Variants in C10orf90 observed in about 807,000 individuals in gnomAD.
C10orf90 encodes the protein chromosome 10 open reading frame 90.
C10orf90 carries 56 observed loss-of-function variants against 62.5 expected under a neutral mutation model. That is an observed-to-expected ratio of 0.90 (90% CI 0.72 to 1.12). C10orf90 has a LOEUF of 1.12. C10orf90 is among the 50% of genes most tolerant of loss of function. The pLI, the probability that C10orf90 is intolerant of heterozygous loss-of-function variation, is 0.00. For synonymous variants in C10orf90, 386 were observed against 340.4 expected (o/e 1.13, Z -1.47); for missense variants, 970 against 880.4 (o/e 1.10, Z -1.29).
chr10:126,628,884 T>C (rs1415165261), intron 2 of C10orf90, among the ~76,000 whole-genome samples: 1 of 152,200 alleles, frequency 6.6e-6, no homozygotes, highest in East Asian at 1.9e-4. Flanking sequence ...GGGGCTGGTC[T>C]GGGACAGCTC....
At chr10:126,512,612 C>T (rs1049458808) in intron 3 of C10orf90, among the ~76,000 whole-genome samples, 2 of 152,132 alleles carry the variant, frequency 1.3e-5, no homozygotes, top group African/African-American at 4.8e-5. Context: ...TCAGCAGAAT[C>T]GCCCCCATGC....
Position 126,504,666 on chromosome 10 carries a change from C to T in C10orf90, c.825G>A (p.Pro275=), listed in dbSNP as rs571656172. Residue 275 remains proline, a synonymous_variant, in exon 4 of 10, where the codon CCG becomes CCA. Coordinates refer to ENST00000488181, the MANE Select transcript of C10orf90 (RefSeq NM_001350921.2). The surrounding 1 kb of genome is among the most constrained non-coding windows in gnomAD (Gnocchi z 4.1). ...RAEDTLFQAP[P]ALANGAHPGR... ...CTGGATGGGCGCCATTGGCCAGAGCCGGGGGCGCCTGGAACAGTGTGTCCT... is the reference window on the plus strand; with the variant it reads ...CTGGATGGGCGCCATTGGCCAGAGCTGGGGGCGCCTGGAACAGTGTGTCCT... The T allele has an allele frequency of 5.0e-6, 8 of 1,614,182 alleles. No homozygotes were observed. Among genetic ancestry groups the T allele is most frequent in the African/African-American group, 1.3e-5 (1 of 75,056 alleles).
chr10:126,549,957 C>CTTTTTTT (rs1168153149), intron 2 of C10orf90, among the ~76,000 whole-genome samples: 1 of 117,422 alleles, frequency 8.5e-6, no homozygotes, highest in Non-Finnish European at 1.8e-5. Flanking sequence ...GTAAAGCTTT[C>CTTTTTTT]TTTTTTTTTT....
chr10:126,586,609 A>G (rs1844875915), intron 2 of C10orf90, among the ~76,000 whole-genome samples: 5 of 152,234 alleles, frequency 3.3e-5, no homozygotes. Flanking sequence ...GCTGCTCAGA[A>G]TATGCCTACG....
chr10:126,440,235 C>T (rs571823328), intron 7 of C10orf90, among the ~76,000 whole-genome samples: 4 of 152,260 alleles, frequency 2.6e-5, no homozygotes, highest in South Asian at 4.1e-4. Flanking sequence ...CTTTGGATTG[C>T]GTGGGAGCTG....
rs1432814227 is a variant in C10orf90 at position 126,565,020 on chromosome 10, A to T, written c.314-51081T>A. 9.5e-4 allele frequency among the ~76,000 whole-genome samples: 14 copies of T among 14,792 alleles called. 2 individuals are homozygous for T. The highest frequency in any genetic ancestry group is 3.0e-3 in the African/African-American group (14 of 4,708). 9.7% of individuals were successfully genotyped at this position (14,792 alleles called of 152,430 possible). ...ATTATATATAATATATATAATATAT[A>T]TTATATATTATATAAAATATATAAT... On this transcript the variant is annotated intron_variant, in intron 2 of 9. Transcript: ENST00000488181.
intron 2 of C10orf90, among the ~76,000 whole-genome samples, chr10:126,523,890 A>G (rs1390442556): frequency 3.9e-5 from 6 of 152,156 alleles, no homozygotes; most frequent in African/African-American, 1.4e-4. Context: ...GTGTTGTAGC[A>G]TGTGTCAGAA....
At chr10:126,526,023 AACACACACACACACACACAC>A (rs3040780) in intron 2 of C10orf90, among the ~76,000 whole-genome samples, 1 of 138,960 alleles carries the variant, frequency 7.2e-6, no homozygotes. Flanking sequence ...CACCTGCCAC[AACACACACACACACACACAC>A]ACACACACAC....
chr10:126,667,662 C>T (rs991366473), intron 1 of C10orf90, among the ~76,000 whole-genome samples: 1 of 152,080 alleles, frequency 6.6e-6, no homozygotes, highest in Non-Finnish European at 1.5e-5. Context: ...TGAGGTTTCC[C>T]TTCCCAAGCT....
rs1289294210 is a variant in C10orf90 at position 126,670,470 on chromosome 10, G to C, written c.11C>G (p.Ser4Cys). The change falls in exon 1 of 10, where the codon TCT (serine) becomes TGT (cysteine). Residue 4 changes from serine (S) to cysteine (C), a missense_variant. Transcript: ENST00000488181. MQH[S>C]GIPTKTHPQG... ...CGGATGAGTTTTTGTAGGAATTCCA[G>C]AGTGCTGCATGAGACTCAGTATCTT... The C allele has an allele frequency of 2.2e-6, 1 of 456,642 alleles. No homozygotes were observed. Among genetic ancestry groups the C allele is most frequent in the Non-Finnish European group, 4.4e-6 (1 of 226,964 alleles). 28.3% of individuals were successfully genotyped at this position (456,642 alleles called of 1,614,324 possible). A position where few individuals can be genotyped will look rare whatever the true frequency, so the allele number is the denominator to read the frequency against.
chr10:126,487,685 A>C (rs1373519288), intron 4 of C10orf90, among the ~76,000 whole-genome samples: 2 of 152,164 alleles, frequency 1.3e-5, no homozygotes, highest in African/African-American at 4.8e-5. Flanking sequence ...TTGATGCACC[A>C]CCAAAAGGAA....
chr10:126,448,212 A>C (rs532930638), intron 7 of C10orf90, among the ~76,000 whole-genome samples: 134 of 152,034 alleles, frequency 8.8e-4, no homozygotes, highest in African/African-American at 2.8e-3. Context: ...ATGAAACTAC[A>C]GTAACAGGAG....
At chr10:126,437,727 T>G (rs764539766) in intron 7 of C10orf90, among the ~76,000 whole-genome samples, 1 of 152,106 alleles carries the variant, frequency 6.6e-6, no homozygotes, top group Non-Finnish European at 1.5e-5. Flanking sequence ...TAACTGGGCA[T>G]CCTATATTTT....
chr10:126,635,502 C>T (rs893919396), intron 2 of C10orf90, among the ~76,000 whole-genome samples: 1 of 152,260 alleles, frequency 6.6e-6, no homozygotes, highest in South Asian at 2.1e-4. Flanking sequence ...GAGTGCAGAT[C>T]AATAAAGAAG....
chr10:126,589,054 A>C (rs1373012593), intron 2 of C10orf90, among the ~76,000 whole-genome samples: 1 of 152,224 alleles, frequency 6.6e-6, no homozygotes, highest in Non-Finnish European at 1.5e-5. Context: ...AGAAATTCAC[A>C]ATGTAATCAC....
At chr10:126,670,103 A>C (rs535313192) in intron 1 of C10orf90, 138 bp downstream of exon 1, 65 of 335,672 alleles carry the variant, frequency 1.9e-4, no homozygotes, top group Non-Finnish European at 3.6e-4. Flanking sequence ...GGCTTTTCCA[A>C]ATCCCTTAGG....
chr10:126,625,566 C>A (rs1302922512), intron 2 of C10orf90, among the ~76,000 whole-genome samples: 1 of 152,138 alleles, frequency 6.6e-6, no homozygotes, highest in Admixed American at 6.5e-5. Context: ...TCCAGTGCAT[C>A]CTGACAGGAG....
intron 5 of C10orf90, 54 bp downstream of exon 5, chr10:126,464,642 A>G (rs1200543829): frequency 1.9e-6 from 3 of 1,547,106 alleles, no homozygotes; most frequent in Non-Finnish European, 2.6e-6. Context: ...CAATCAACAA[A>G]TTTTTATCGA....
chr10:126,555,485 C>G (rs1864743489), intron 2 of C10orf90, among the ~76,000 whole-genome samples: 1 of 148,928 alleles, frequency 6.7e-6, no homozygotes, highest in African/African-American at 2.5e-5. Flanking sequence ...ACTAGCCTGG[C>G]CAACATGGTG....
Sources: allele counts gnomAD v4.1 joint callset (sites outside exome capture counted in the v4.1 genomes callset), GRCh38; gene constraint gnomAD v4.1.1; non-coding constraint Gnocchi (gnomAD v3.1); transcripts MANE v1.5; gene names NCBI Gene and HGNC (gene_info 2026-07-23, HGNC 2026-07-21).